LHFPL3: variants seen among roughly 807,000 people sequenced by gnomAD.
The protein encoded by LHFPL3 is LHFPL tetraspan subfamily member 3 protein.
LHFPL3 carries 5 observed loss-of-function variants against 19.3 expected under a neutral mutation model. The observed-to-expected ratio is 0.26, with a 90% CI of 0.14 to 0.54. The LOEUF (loss-of-function observed/expected upper bound fraction) is 0.54, where lower values mean the gene tolerates loss of function less well. LHFPL3 is among the 20% of genes least tolerant of loss of function. The probability of loss-of-function intolerance (pLI) is 0.94; values close to 1 mark genes in which losing one functional copy is unlikely to be tolerated. For missense variants in LHFPL3, 249 were observed against 307.4 expected, an observed-to-expected ratio of 0.81 and a Z score of 1.42; for synonymous variants, 133 against 126.2, an observed-to-expected ratio of 1.05 and a Z score of -0.36.
chr7:104,374,874 A>AT (rs1273641861), intron 1 of LHFPL3, among the ~76,000 whole-genome samples: 1 of 152,172 alleles, frequency 6.6e-6, no homozygotes, highest in Non-Finnish European at 1.5e-5. Context: ...CAAGCATGGA[A>AT]TTATTATTTT....
chr7:104,383,524 A>T (rs1469090710), intron 1 of LHFPL3, among the ~76,000 whole-genome samples: 4 of 152,210 alleles, frequency 2.6e-5, no homozygotes, highest in African/African-American at 9.7e-5. Flanking sequence ...TTTCATTAGC[A>T]TTTACAGATT....
chr7:104,439,696 A>T (rs13234229), intron 1 of LHFPL3, among the ~76,000 whole-genome samples: 1 of 152,154 alleles, frequency 6.6e-6, no homozygotes, highest in South Asian at 2.1e-4. Flanking sequence ...AACTTACTCA[A>T]TTTGGTAAAC....
intron 2 of LHFPL3, among the ~76,000 whole-genome samples, chr7:104,842,324 A>G (rs2116590878): frequency 6.6e-6 from 1 of 152,066 alleles, no homozygotes; most frequent in Admixed American, 6.6e-5. Flanking sequence ...TTTTTCCTAC[A>G]TGGGCTACCC....
intron 1 of LHFPL3, among the ~76,000 whole-genome samples, chr7:104,360,007 T>C (rs1022077402): frequency 6.6e-6 from 1 of 152,256 alleles, no homozygotes; most frequent in African/African-American, 2.4e-5. Flanking sequence ...ACACAAATAG[T>C]AAGTGAGATA....
intron 2 of LHFPL3, among the ~76,000 whole-genome samples, chr7:104,755,817 T>G (rs905308256): frequency 5.9e-5 from 9 of 152,218 alleles, no homozygotes; most frequent in African/African-American, 2.2e-4. Flanking sequence ...TGCCTCAACC[T>G]CCTGAGTAGC....
intron 1 of LHFPL3, among the ~76,000 whole-genome samples, chr7:104,555,115 C>T (rs1173579051): frequency 6.6e-6 from 1 of 152,184 alleles, no homozygotes; most frequent in Non-Finnish European, 1.5e-5. Context: ...TCTAGAAACA[C>T]CCTCACAGAC....
chr7:104,346,401 T>C (rs1790066227), intron 1 of LHFPL3, among the ~76,000 whole-genome samples: 1 of 151,316 alleles, frequency 6.6e-6, no homozygotes, highest in African/African-American at 2.4e-5. Context: ...CCGTGGATAA[T>C]ATTCTATTTC....
At chr7:104,657,894 C>T (rs1477696207) in intron 1 of LHFPL3, among the ~76,000 whole-genome samples, 2 of 152,170 alleles carry the variant, frequency 1.3e-5, no homozygotes, top group African/African-American at 4.8e-5. Context: ...AATAATATCT[C>T]GTTTTATTTG....
At chr7:104,668,727 C>CCCA (rs1792413454) in intron 1 of LHFPL3, 1 of 1,585,624 alleles carries the variant, frequency 6.3e-7, no homozygotes, top group African/African-American at 1.4e-5. Flanking sequence ...TCCCCCCCCC[C>CCCA]CCAAAGACCC....
At chr7:104,660,657 CT>C (rs1440229995) in intron 1 of LHFPL3, among the ~76,000 whole-genome samples, 1 of 152,202 alleles carries the variant, frequency 6.6e-6, no homozygotes, top group Non-Finnish European at 1.5e-5. Context: ...ATAGGCCACT[CT>C]CTGGGCAATG....
chr7:104,799,267 TGCC>T (rs1790194141), intron 2 of LHFPL3: 1 of 152,216 alleles, frequency 6.6e-6, no homozygotes, highest in South Asian at 2.1e-4. Flanking sequence ...TTAGGTTGTG[TGCC>T]AGCCTAGGAG....
chr7:104,442,712 A>G (rs987456270), intron 1 of LHFPL3, among the ~76,000 whole-genome samples: 1 of 152,174 alleles, frequency 6.6e-6, no homozygotes, highest in Non-Finnish European at 1.5e-5. Flanking sequence ...TTCTGTGTTT[A>G]TTAAAGCTTG....
At chr7:104,434,566 A>C (rs1277935693) in intron 1 of LHFPL3, among the ~76,000 whole-genome samples, 16 of 152,340 alleles carry the variant, frequency 1.1e-4, no homozygotes. Flanking sequence ...AAGATCAATC[A>C]GTATCCCAGG....
intron 2 of LHFPL3, among the ~76,000 whole-genome samples, chr7:104,751,185 C>T (rs145115431): frequency 1.1e-5 from 1 of 94,444 alleles, no homozygotes; most frequent in African/African-American, 3.4e-5. Context: ...CCTGCAGGAA[C>T]CTTTCCTTTT....
chr7:104,343,721 T>C (rs1584600924), intron 1 of LHFPL3, among the ~76,000 whole-genome samples: 1 of 118,570 alleles, frequency 8.4e-6, no homozygotes, highest in East Asian at 2.8e-4. Flanking sequence ...TTTGTGTGTA[T>C]GGCTTGCGTG....
intron 1 of LHFPL3, among the ~76,000 whole-genome samples, chr7:104,410,043 C>T (rs996620513): frequency 1.3e-5 from 2 of 152,120 alleles, no homozygotes; most frequent in Non-Finnish European, 2.9e-5. Context: ...ATGAGAAAAA[C>T]CACTTGAAAC....
chr7:104,396,368 A>C (rs991866858), intron 1 of LHFPL3, among the ~76,000 whole-genome samples: 4 of 152,194 alleles, frequency 2.6e-5, no homozygotes, highest in Admixed American at 1.3e-4. Flanking sequence ...CACAAGAGAC[A>C]TGAAAGCCCA....
chr7:104,523,001 T>C (rs1352185258), intron 1 of LHFPL3, among the ~76,000 whole-genome samples: 1 of 149,312 alleles, frequency 6.7e-6, no homozygotes, highest in African/African-American at 2.4e-5. Context: ...TATGCACACA[T>C]ATATGTATAT....
chr7:104,369,488 A>C (rs1790569869), intron 1 of LHFPL3, among the ~76,000 whole-genome samples: 1 of 152,178 alleles, frequency 6.6e-6, no homozygotes, highest in Admixed American at 6.5e-5. Context: ...TGGCTGTTTG[A>C]ATTCTTCCAG....
Sources: allele counts gnomAD v4.1 joint callset (sites outside exome capture counted in the v4.1 genomes callset), GRCh38; gene constraint gnomAD v4.1.1; transcripts MANE v1.5; gene names NCBI Gene and HGNC (gene_info 2026-07-23, HGNC 2026-07-21).